The following SH3GL2 variants were observed in gnomAD, a reference collection of about 807,000 sequenced individuals.
SH3GL2 encodes endophilin-A1.
Under a neutral mutation model 46.0 loss-of-function variants are expected in SH3GL2, and 24 were observed. The observed-to-expected ratio is 0.52, with a 90% CI of 0.38 to 0.73. The LOEUF is 0.73. Ranked by LOEUF, SH3GL2 falls within the 30% of genes least tolerant of loss-of-function variation. The probability of loss-of-function intolerance (pLI) is 0.00; values close to 1 mark genes in which losing one functional copy is unlikely to be tolerated. For missense variants in SH3GL2, 413 were observed against 424.2 expected (o/e 0.97, Z 0.23); for synonymous variants, 196 against 147.1 (o/e 1.33, Z -2.40).
At chr9:17,635,412 A>C (rs532879844) in intron 1 of SH3GL2, among the ~76,000 whole-genome samples, 1 of 152,218 alleles carries the variant, frequency 6.6e-6, no homozygotes, top group South Asian at 2.1e-4. Flanking sequence ...GATTCCATGC[A>C]AGTTCTTAGA....
chr9:17,655,528 TCA>T (rs1244325708), intron 1 of SH3GL2, among the ~76,000 whole-genome samples: 1 of 152,182 alleles, frequency 6.6e-6, no homozygotes, highest in Admixed American at 6.5e-5. Flanking sequence ...GTCTGAATAG[TCA>T]GTTTTCGAAG....
In SH3GL2 at chr9:17,628,533, T is replaced by G. The variant is rs16935813; in HGVS notation, c.45+49246T>G. 5.2e-3 allele frequency among the ~76,000 whole-genome samples: 790 copies of G among 152,208 alleles called. 4 individuals are homozygous for G. The highest frequency in any genetic ancestry group is 9.4e-3 in the Non-Finnish European group (640 of 68,006). On this transcript the variant is annotated intron_variant, in intron 1 of 8. Coordinates refer to ENST00000380607, the MANE Select transcript of SH3GL2 (RefSeq NM_003026.5). ...TGAAATGTGGCTTGCCTTGCTGACT[T>G]CAGACATTTTGATTTAAAGATCTTA...
chr9:17,749,172 C>G (rs907958296), intron 2 of SH3GL2, among the ~76,000 whole-genome samples: 2 of 152,202 alleles, frequency 1.3e-5, no homozygotes, highest in Non-Finnish European at 2.9e-5. Context: ...GTTCCTATTT[C>G]TCATCTCTGG....
chr9:17,593,118 A>G (rs148442324), intron 1 of SH3GL2, among the ~76,000 whole-genome samples: 1 of 152,322 alleles, frequency 6.6e-6, no homozygotes, highest in East Asian at 1.9e-4. Flanking sequence ...TGTCTCTTCC[A>G]TCTGGCTGTT....
At chr9:17,585,619 A>G (rs1818360881) in intron 1 of SH3GL2, among the ~76,000 whole-genome samples, 1 of 152,172 alleles carries the variant, frequency 6.6e-6, no homozygotes, top group African/African-American at 2.4e-5. Context: ...CAGGTGGGAA[A>G]CAGGTGGGAG....
Position 17,579,299 on chromosome 9 carries a change from G to A in SH3GL2, c.45+12G>A. ...ATAAAGCCACTCAGGTAAGGCGCGC[G>A]GCAGGTGCGTCCCGGGGCAGTCCGG... On this transcript the variant is annotated intron_variant, in intron 1 of 8. Transcript: ENST00000380607. The A allele has an allele frequency of 1.3e-6, 2 of 1,554,930 alleles. No homozygotes were observed. The highest frequency in any genetic ancestry group is 2.6e-5 in the East Asian group (1 of 38,410).
At position 17,768,662 on chromosome 9, in the gene SH3GL2, G is replaced by A. The variant is rs73424510; in HGVS notation, c.187+7153G>A. Among the ~76,000 whole-genome samples the A allele has an allele frequency of 7.3e-3, 1,114 of 151,980 alleles. 13 individuals are homozygous for A. Among genetic ancestry groups the A allele is most frequent in the African/African-American group, 0.025 (1,045 of 41,458 alleles). On this transcript the variant is annotated intron_variant, in intron 3 of 8. Transcript: ENST00000380607. The stretch of plus-strand genomic sequence containing the variant: ...CTTTGCTGTATCAGGAGTTTGTAGC[G>A]GCTGTTTCCCCTTCTCCTGGTAGAA...
intron 1 of SH3GL2, among the ~76,000 whole-genome samples, chr9:17,659,661 A>G (rs1332309938): frequency 6.6e-6 from 1 of 152,138 alleles, no homozygotes; most frequent in Non-Finnish European, 1.5e-5. Flanking sequence ...AAATGCGTTT[A>G]CTCTCAGAGT....
At chr9:17,741,092 G>A (rs1342255914) in intron 1 of SH3GL2, among the ~76,000 whole-genome samples, 1 of 152,104 alleles carries the variant, frequency 6.6e-6, no homozygotes, top group Non-Finnish European at 1.5e-5. Flanking sequence ...CCATAATGCA[G>A]ATTAGGCAGG....
intron 1 of SH3GL2, among the ~76,000 whole-genome samples, chr9:17,681,805 T>C (rs1820775853): frequency 1.3e-5 from 2 of 152,010 alleles, no homozygotes; most frequent in African/African-American, 4.8e-5. Flanking sequence ...AATCTACCCA[T>C]CTGCCAAAGG....
chr9:17,747,041 T>G (rs1163642764), intron 1 of SH3GL2, 25 bp from the exon 2 acceptor site: 1 of 1,504,670 alleles, frequency 6.6e-7, no homozygotes, highest in African/African-American at 1.4e-5. Flanking sequence ...TTATAATAAT[T>G]CTCCTTTGTG....
intron 1 of SH3GL2, among the ~76,000 whole-genome samples, chr9:17,685,042 C>G (rs1820867958): frequency 6.6e-6 from 1 of 152,014 alleles, no homozygotes; most frequent in Non-Finnish European, 1.5e-5. Context: ...CATGGTATAG[C>G]TTTGGTGGTT....
intron 2 of SH3GL2, among the ~76,000 whole-genome samples, chr9:17,748,681 T>C (rs1447968377): frequency 2.6e-5 from 4 of 152,098 alleles, no homozygotes; most frequent in Non-Finnish European, 5.9e-5. Context: ...GGAGGTAGGA[T>C]ATAGACAAGG....
intron 1 of SH3GL2, among the ~76,000 whole-genome samples, chr9:17,745,010 G>T (rs1377179260): frequency 6.6e-6 from 1 of 152,086 alleles, no homozygotes; most frequent in Non-Finnish European, 1.5e-5. Flanking sequence ...GCTGTTGGGT[G>T]GATGTAAAAA....
At chr9:17,681,405 G>A (rs796894062) in intron 1 of SH3GL2, among the ~76,000 whole-genome samples, 7 of 152,124 alleles carry the variant, frequency 4.6e-5, no homozygotes, top group African/African-American at 1.7e-4. Flanking sequence ...CAAAAATACA[G>A]GCACATTTCT....
At chr9:17,665,832 G>C (rs951612479) in intron 1 of SH3GL2, among the ~76,000 whole-genome samples, 2 of 149,464 alleles carry the variant, frequency 1.3e-5, no homozygotes, top group African/African-American at 4.9e-5. Context: ...CAAAGTGAGG[G>C]GAAAATACAC....
intron 1 of SH3GL2, among the ~76,000 whole-genome samples, chr9:17,620,246 G>A (rs7851916): frequency 0.37 from 55,628 of 151,960 alleles, 10,644 homozygotes; most frequent in East Asian, 0.59. Context: ...ATCAGTATAT[G>A]CCTAAAACAA....
intron 1 of SH3GL2, among the ~76,000 whole-genome samples, chr9:17,685,033 A>G (rs763758119): frequency 2.0e-5 from 3 of 152,096 alleles, no homozygotes; most frequent in Non-Finnish European, 2.9e-5. Flanking sequence ...ATCCTAATAC[A>G]TGGTATAGCT....
intron 1 of SH3GL2, among the ~76,000 whole-genome samples, chr9:17,588,969 A>C (rs570899102): frequency 6.6e-6 from 1 of 152,314 alleles, no homozygotes; most frequent in African/African-American, 2.4e-5. Flanking sequence ...AGGATGTAAA[A>C]GTGGGTTTTT....
Sources: gnomAD v4.1 joint callset for allele counts (sites outside exome capture counted in the v4.1 genomes callset) on GRCh38, gnomAD v4.1.1 for gene constraint, MANE v1.5 for transcripts, NCBI Gene and HGNC (gene_info 2026-07-23, HGNC 2026-07-21) for gene names.